ZNF618: variants seen among roughly 807,000 people sequenced by gnomAD.
ZNF618 encodes neural precursor cell expressed, developmentally down-regulated 10.
A neutral mutation model predicts 103.0 loss-of-function variants in ZNF618; 34 were observed. The observed-to-expected ratio is 0.33, with a 90% CI of 0.25 to 0.44. The LOEUF (loss-of-function observed/expected upper bound fraction) is 0.44. Ranked by LOEUF, ZNF618 falls within the 20% of genes least tolerant of loss-of-function variation. ZNF618 has a pLI of 1.00. For missense variants in ZNF618, 1,059 were observed against 1,295.4 expected, an observed-to-expected ratio of 0.82 and a Z score of 2.80; for synonymous variants, 551 against 542.2, an observed-to-expected ratio of 1.02 and a Z score of -0.23.
In ZNF618 at chr9:113,935,812, T is replaced by C. The variant is rs576119258; in HGVS notation, c.34-33305T>C. ...GGACCTGCTCGGCGAAAGTTTTGAG[T>C]GGATCACATGCCTGCTTACTTGCTC... On this transcript the variant is annotated intron_variant, in intron 1 of 14. Coordinates refer to ENST00000374126, the MANE Select transcript of ZNF618 (RefSeq NM_001318042.2). 5.3e-5 allele frequency among the ~76,000 whole-genome samples: 8 copies of C among 152,288 alleles called. No individual in the cohort carries two copies. In the East Asian group the frequency reaches 1.5e-3, roughly 29 times the overall value.
chr9:114,049,808 G>A lies in ZNF618; in HGVS notation c.2506G>A (p.Val836Met), dbSNP rs899073632. 5.0e-6 allele frequency: 8 copies of A among 1,614,008 alleles called. No homozygotes were observed. Among genetic ancestry groups the A allele is most frequent in the Non-Finnish European group, 6.8e-6 (8 of 1,179,910 alleles). The change falls in exon 15 of 15, where the codon GTG becomes ATG. Residue 836 changes from valine (V) to methionine (M), a missense_variant. Val to Met is a conservative substitution (Grantham distance 21). Coordinates refer to ENST00000374126, the MANE Select transcript of ZNF618 (RefSeq NM_001318042.2). ...IGKVCELINE[V>M]KESWAEEADF... ...CAAGGTCTGTGAGCTCATCAACGAG[G>A]TGAAGGAGTCCTGGGCCGAGGAGGC...
chr9:113,948,684 G>A (rs1246915469), intron 1 of ZNF618, among the ~76,000 whole-genome samples: 1 of 152,208 alleles, frequency 6.6e-6, no homozygotes, highest in Non-Finnish European at 1.5e-5. Context: ...GGCCCAAAAT[G>A]TGCCAGCCAT....
Position 114,050,430 on chromosome 9 carries a change from C to A in ZNF618, c.*263C>A. The A allele has an allele frequency of 2.7e-6, 1 of 366,596 alleles. No homozygotes were observed. Among genetic ancestry groups the A allele is most frequent in the South Asian group, 3.8e-5 (1 of 26,136 alleles). The allele number at this position is 366,596 out of a possible 1,614,324, so 22.7% of individuals were successfully genotyped here. A position where few individuals can be genotyped will look rare whatever the true frequency, so the allele number is the denominator to read the frequency against. ...GTGCTCATCTCCATGGCCAGAGAAA[C>A]TTTGCACACACGCACACACACACAC... is the stretch of plus-strand genomic sequence containing the variant. On this transcript the variant is annotated 3_prime_UTR_variant, in exon 15 of 15. Transcript: ENST00000374126.
chr9:113,947,476 G>T (rs974661962), intron 1 of ZNF618, among the ~76,000 whole-genome samples: 1 of 152,204 alleles, frequency 6.6e-6, no homozygotes, highest in Admixed American at 6.5e-5. Context: ...TGTTCCTTGA[G>T]ATGTCCATCT....
chr9:114,048,253 C>G (rs921974022), intron 14 of ZNF618, among the ~76,000 whole-genome samples: 1 of 152,192 alleles, frequency 6.6e-6, no homozygotes, highest in African/African-American at 2.4e-5. Context: ...AACTAGAACC[C>G]ACCTCTCCAC....
chr9:113,930,550 A>G (rs925191111), intron 1 of ZNF618, among the ~76,000 whole-genome samples: 2 of 152,218 alleles, frequency 1.3e-5, no homozygotes, highest in Non-Finnish European at 2.9e-5. Context: ...TGTAATTTCT[A>G]TTTTTAAGGC....
intron 6 of ZNF618, among the ~76,000 whole-genome samples, chr9:114,005,405 T>C (rs1841648566): frequency 6.6e-6 from 1 of 152,210 alleles, no homozygotes; most frequent in South Asian, 2.1e-4. Context: ...TCCCCATCCA[T>C]GTCAAAGAGA....
intron 1 of ZNF618, among the ~76,000 whole-genome samples, chr9:113,934,764 G>A (rs1298119510): frequency 6.6e-6 from 1 of 152,182 alleles, no homozygotes; most frequent in African/African-American, 2.4e-5. Context: ...AATTAATTCC[G>A]GAACTCTGTG....
chr9:113,992,872 G>T (rs1194675628), intron 3 of ZNF618, among the ~76,000 whole-genome samples: 2 of 152,180 alleles, frequency 1.3e-5, no homozygotes, highest in Non-Finnish European at 1.5e-5. Flanking sequence ...TGCCAAGTTC[G>T]CAATGGTTGC....
intron 2 of ZNF618, among the ~76,000 whole-genome samples, chr9:113,973,111 C>T (rs1564239882): frequency 6.6e-6 from 1 of 152,114 alleles, no homozygotes. Flanking sequence ...GTGTGGTGGC[C>T]TTAGCTGACA....
chr9:113,929,090 A>G (rs983069239), intron 1 of ZNF618, among the ~76,000 whole-genome samples: 3 of 152,170 alleles, frequency 2.0e-5, no homozygotes, highest in African/African-American at 7.2e-5. Context: ...CCAACTCCAC[A>G]TTCATCTCAC....
intron 1 of ZNF618, among the ~76,000 whole-genome samples, chr9:113,923,413 A>G (rs1159916773): frequency 6.6e-6 from 1 of 152,124 alleles, no homozygotes; most frequent in Non-Finnish European, 1.5e-5. Flanking sequence ...GTTAAATATG[A>G]TGTTAGCTGT....
chr9:113,969,014 C>G (rs1025618441), intron 1 of ZNF618, 103 bp from the exon 2 acceptor site: 2 of 1,341,282 alleles, frequency 1.5e-6, no homozygotes, highest in African/African-American at 2.9e-5. Context: ...GCTCACCCCA[C>G]AGTGTGAAGG....
chr9:113,956,513 G>A (rs1836313509), intron 1 of ZNF618, among the ~76,000 whole-genome samples: 2 of 152,204 alleles, frequency 1.3e-5, no homozygotes, highest in Non-Finnish European at 2.9e-5. Context: ...TAAACCAGTT[G>A]ACTGACTTTT....
At chr9:114,012,022 TAAAAA>T (rs372244026) in intron 9 of ZNF618, among the ~76,000 whole-genome samples, 1 of 138,268 alleles carries the variant, frequency 7.2e-6, no homozygotes, top group African/African-American at 2.7e-5. Context: ...CTTGAATAGT[TAAAAA>T]AAAAAAAAAG....
In ZNF618 at chr9:114,042,638, T is replaced by G. The variant is rs113294557; in HGVS notation, c.1247-5255T>G. ...GAGGCCAGGAGTTTGAGACCAGCCC[T>G]GGTCACCACAGCAATACTCTGTCTC... On this transcript the variant is annotated intron_variant, in intron 13 of 14. Transcript: ENST00000374126. Among the ~76,000 whole-genome samples, 840 of 152,266 alleles carry G rather than the reference T, an allele frequency of 5.5e-3. 6 individuals carry two copies. The highest frequency in any genetic ancestry group is 0.019 in the African/African-American group (771 of 41,546).
intron 13 of ZNF618, among the ~76,000 whole-genome samples, chr9:114,046,987 C>G (rs1391387644): frequency 6.6e-6 from 1 of 152,136 alleles, no homozygotes; most frequent in South Asian, 2.1e-4. Context: ...ATATTGAAAA[C>G]AGCAGAGCCA....
At chr9:113,974,435 C>T (rs554031900) in intron 2 of ZNF618, among the ~76,000 whole-genome samples, 1 of 152,196 alleles carries the variant, frequency 6.6e-6, no homozygotes, top group Admixed American at 6.5e-5. Context: ...AGATCAGGAG[C>T]CACTGGGGAG....
intron 1 of ZNF618, among the ~76,000 whole-genome samples, chr9:113,879,053 T>C (rs1828239264): frequency 1.3e-5 from 2 of 151,778 alleles, no homozygotes; most frequent in South Asian, 4.2e-4. Flanking sequence ...TTCTGTTGAA[T>C]TATTTAGGCC....
Sources: allele counts gnomAD v4.1 joint callset (sites outside exome capture counted in the v4.1 genomes callset), GRCh38; gene constraint gnomAD v4.1.1; transcripts MANE v1.5; gene names NCBI Gene and HGNC (gene_info 2026-07-23, HGNC 2026-07-21).